Variants in MCTP1 observed in about 807,000 individuals in gnomAD.
MCTP1 encodes the protein multiple C2 and transmembrane domain containing 1.
In MCTP1, 69 loss-of-function variants were observed where a neutral mutation model predicts 120.6. That is an observed-to-expected ratio of 0.57 (90% CI 0.47 to 0.70). The LOEUF (loss-of-function observed/expected upper bound fraction) is 0.70, where lower values mean the gene tolerates loss of function less well. MCTP1 is among the 30% of genes least tolerant of loss of function. The pLI, the probability that MCTP1 is intolerant of heterozygous loss-of-function variation, is 0.00. For missense variants in MCTP1, 1,203 were observed against 1,248.8 expected, an observed-to-expected ratio of 0.96 and a Z score of 0.55; for synonymous variants, 529 against 493.1, an observed-to-expected ratio of 1.07 and a Z score of -0.96.
intron 19 of MCTP1, among the ~76,000 whole-genome samples, chr5:94,746,528 T>G (rs1766938469): frequency 6.6e-6 from 1 of 152,238 alleles, no homozygotes; most frequent in Non-Finnish European, 1.5e-5. Flanking sequence ...TACTCCATTT[T>G]AAATACAGTA....
intron 9 of MCTP1, among the ~76,000 whole-genome samples, chr5:94,911,842 C>T (rs1477490314): frequency 6.6e-6 from 1 of 152,148 alleles, no homozygotes; most frequent in African/African-American, 2.4e-5. Context: ...CTTCTTACTA[C>T]TGTTGTTACT....
chr5:94,926,151 GACA>G (rs1813059645), intron 6 of MCTP1, among the ~76,000 whole-genome samples: 1 of 151,986 alleles, frequency 6.6e-6, no homozygotes, highest in Non-Finnish European at 1.5e-5. Flanking sequence ...ATAACAATTA[GACA>G]ACAAGCTTTT....
chr5:94,764,701 G>T (rs1246926745), intron 19 of MCTP1, among the ~76,000 whole-genome samples: 3 of 151,772 alleles, frequency 2.0e-5, no homozygotes, highest in African/African-American at 7.3e-5. Context: ...AAATATATAT[G>T]CACCTAACAC....
intron 1 of MCTP1, among the ~76,000 whole-genome samples, chr5:95,222,822 ATAAT>A (rs1478610778): frequency 1.3e-5 from 2 of 152,266 alleles, no homozygotes; most frequent in Non-Finnish European, 2.9e-5. Context: ...TTAAAAGCAC[ATAAT>A]TAATATACAT....
chr5:94,946,158 C>G (rs1361574059), intron 3 of MCTP1, among the ~76,000 whole-genome samples: 3 of 152,150 alleles, frequency 2.0e-5, no homozygotes, highest in Non-Finnish European at 4.4e-5. Flanking sequence ...TTCTGCCTCT[C>G]CAGTTCTCTA....
chr5:95,172,074 C>T (rs944506518), intron 1 of MCTP1, among the ~76,000 whole-genome samples: 1 of 152,136 alleles, frequency 6.6e-6, no homozygotes, highest in African/African-American at 2.4e-5. Context: ...TGGTGAGGTA[C>T]AGATGGGGTT....
chr5:94,881,339 C>A (rs998822891), intron 12 of MCTP1, among the ~76,000 whole-genome samples: 7 of 152,082 alleles, frequency 4.6e-5, no homozygotes, highest in African/African-American at 1.4e-4. Flanking sequence ...TCCTGCCCCC[C>A]AAAGATTCTG....
intron 1 of MCTP1, among the ~76,000 whole-genome samples, chr5:95,103,397 G>A (rs1425403912): frequency 1.3e-5 from 2 of 152,096 alleles, no homozygotes; most frequent in African/African-American, 4.8e-5. Context: ...CAACTGTATG[G>A]CATATATGGG....
At chr5:95,163,650 A>G (rs1745995932) in intron 1 of MCTP1, among the ~76,000 whole-genome samples, 1 of 152,230 alleles carries the variant, frequency 6.6e-6, no homozygotes, top group Non-Finnish European at 1.5e-5. Context: ...AAGATGTGTC[A>G]TATCACTGGG....
chr5:94,826,772 CTTTTTTTTTTTTTT>C (rs61324420), intron 17 of MCTP1: 237 of 43,002 alleles, frequency 5.5e-3, no homozygotes, highest in Non-Finnish European at 7.6e-3. Context: ...GTGACCCCTG[CTTTTTTTTTTTTTT>C]TTTTTTTTTT....
At chr5:94,987,394 C>T (rs1830611977) in intron 2 of MCTP1, among the ~76,000 whole-genome samples, 1 of 152,144 alleles carries the variant, frequency 6.6e-6, no homozygotes, top group Non-Finnish European at 1.5e-5. Flanking sequence ...AGACTAGATG[C>T]TAAGCAAATG....
intron 1 of MCTP1, among the ~76,000 whole-genome samples, chr5:95,234,151 C>G (rs1455836055): frequency 6.6e-6 from 1 of 152,052 alleles, no homozygotes; most frequent in African/African-American, 2.4e-5. Flanking sequence ...TGTCAACAAA[C>G]AAATCTTGGG....
intron 1 of MCTP1, among the ~76,000 whole-genome samples, chr5:95,055,423 T>C (rs1030610471): frequency 4.6e-5 from 7 of 152,238 alleles, no homozygotes; most frequent in Admixed American, 1.3e-4. Flanking sequence ...TACTAATAAT[T>C]GACATCTGTT....
At chr5:95,152,407 T>C (rs1294976548) in intron 1 of MCTP1, among the ~76,000 whole-genome samples, 2 of 152,218 alleles carry the variant, frequency 1.3e-5, no homozygotes, top group Non-Finnish European at 2.9e-5. Flanking sequence ...ATCTTTCTTA[T>C]ATTCTGAGCC....
intron 19 of MCTP1, among the ~76,000 whole-genome samples, chr5:94,718,645 G>T (rs765032817): frequency 3.7e-4 from 56 of 151,908 alleles, no homozygotes; most frequent in Non-Finnish European, 7.2e-4. Flanking sequence ...GAATCTACAA[G>T]AACTTAAATT....
At chr5:94,736,400 T>G (rs1300198652) in intron 19 of MCTP1, among the ~76,000 whole-genome samples, 1 of 152,154 alleles carries the variant, frequency 6.6e-6, no homozygotes, top group African/African-American at 2.4e-5. Flanking sequence ...GGGGAATCAC[T>G]TGAGCCTGGG....
intron 1 of MCTP1, among the ~76,000 whole-genome samples, chr5:95,119,660 A>T (rs1227971202): frequency 1.3e-5 from 2 of 152,208 alleles, no homozygotes; most frequent in Non-Finnish European, 1.5e-5. Flanking sequence ...AGACTCAAAT[A>T]AATAAAATCA....
chr5:95,221,704 G>C (rs1470794281), intron 1 of MCTP1, among the ~76,000 whole-genome samples: 15 of 152,144 alleles, frequency 9.9e-5, no homozygotes, highest in African/African-American at 3.6e-4. Context: ...ATACCTGTTG[G>C]TTGTTTCATC....
chr5:94,712,355 G>A (rs577915511), intron 20 of MCTP1, among the ~76,000 whole-genome samples: 2 of 151,902 alleles, frequency 1.3e-5, no homozygotes, highest in African/African-American at 4.8e-5. Flanking sequence ...TTGTTCATGT[G>A]GATAAATGTG....
Sources: allele counts gnomAD v4.1 joint callset (sites outside exome capture counted in the v4.1 genomes callset), GRCh38; gene constraint gnomAD v4.1.1; transcripts MANE v1.5; gene names NCBI Gene and HGNC (gene_info 2026-07-23, HGNC 2026-07-21).